The following TANC1 variants were observed in gnomAD, a reference collection of about 807,000 sequenced individuals.
The protein encoded by TANC1 is protein TANC1.
Under a neutral mutation model 149.7 loss-of-function variants are expected in TANC1, and 77 were observed. That is an observed-to-expected ratio of 0.51 (90% CI 0.43 to 0.62). The LOEUF (loss-of-function observed/expected upper bound fraction) is 0.62, where lower values mean the gene tolerates loss of function less well. TANC1 is among the 20% of genes least tolerant of loss of function. The probability of loss-of-function intolerance (pLI) is 0.00; values close to 1 mark genes in which losing one functional copy is unlikely to be tolerated. For missense variants in TANC1, 1,985 were observed against 2,321.8 expected, an observed-to-expected ratio of 0.85 and a Z score of 2.98; for synonymous variants, 854 against 925.0, an observed-to-expected ratio of 0.92 and a Z score of 1.39.
At chr2:159,121,858 C>T (rs938515204) in intron 4 of TANC1, among the ~76,000 whole-genome samples, 16 of 152,240 alleles carry the variant, frequency 1.1e-4, no homozygotes, top group African/African-American at 3.9e-4. Flanking sequence ...GTCGGAGGGT[C>T]TGCTTTACAT....
At chr2:159,098,087 A>G (rs2046318187) in intron 4 of TANC1, among the ~76,000 whole-genome samples, 1 of 152,142 alleles carries the variant, frequency 6.6e-6, no homozygotes, top group Non-Finnish European at 1.5e-5. Flanking sequence ...GATGTTAACC[A>G]GCAATTTTGT....
intron 5 of TANC1, among the ~76,000 whole-genome samples, chr2:159,142,792 G>T (rs2051520720): frequency 6.6e-6 from 1 of 151,064 alleles, no homozygotes; most frequent in Non-Finnish European, 1.5e-5. Flanking sequence ...GGCCAGGCAC[G>T]ATGGCTGACA....
intron 2 of TANC1, among the ~76,000 whole-genome samples, chr2:159,058,879 T>A (rs1422888737): frequency 6.6e-6 from 1 of 152,202 alleles, no homozygotes; most frequent in Non-Finnish European, 1.5e-5. Context: ...TGTATGAATG[T>A]ACAGAATATT....
intron 3 of TANC1, among the ~76,000 whole-genome samples, chr2:159,075,856 A>ATTTTTTTTTTTTTTTTTTTT (rs2043619698): frequency 6.6e-6 from 1 of 152,166 alleles, no homozygotes; most frequent in African/African-American, 2.4e-5. Context: ...AAGGAAATGA[A>ATTTTTTTTTTTTTTTTTTTT]CTTTTTATAA....
At chr2:159,206,565 A>G (rs1307228465) in intron 19 of TANC1, among the ~76,000 whole-genome samples, 1 of 152,238 alleles carries the variant, frequency 6.6e-6, no homozygotes, top group African/African-American at 2.4e-5. Flanking sequence ...CTTGCTGTAC[A>G]GAGTCCATTT....
rs2060367023 is a variant in TANC1 at position 159,232,457 on chromosome 2, C to T, written c.*1445C>T. On this transcript the variant is annotated 3_prime_UTR_variant, in exon 27 of 27. Transcript: ENST00000263635. ...TTGTACAAATAGGAACCTCTGATGT[C>T]ATTCTTCAACGTTTGTTCCTGTGTG... 1 of 152,554 alleles carries T rather than the reference C, an allele frequency of 6.6e-6. No homozygotes were observed. The highest frequency in any genetic ancestry group is 2.4e-5 in the African/African-American group (1 of 41,432). 9.5% of individuals were successfully genotyped at this position (152,554 alleles called of 1,614,324 possible).
chr2:159,150,414 A>G lies in TANC1; in HGVS notation c.540A>G (p.Thr180=). 1 of 1,614,104 alleles carries G rather than the reference A, an allele frequency of 6.2e-7. No homozygotes were observed. The highest frequency in any genetic ancestry group is 8.5e-7 in the Non-Finnish European group (1 of 1,180,014). ...GCATCAGTCCTTGCTCCACACTAAC[A>G]AGCAGCACCGCATCTCCTAGCACCG... The part of the protein sequence containing the change: ...SQGISPCSTL[T]SSTASPSTDS... Residue 180 remains threonine, a synonymous_variant, in exon 7 of 27, where the codon ACA becomes ACG. Transcript: ENST00000263635.
rs2059964241 is a variant in TANC1 at position 159,225,437 on chromosome 2, T to C, written c.3812-251T>C. 7.3e-6 allele frequency: 4 copies of C among 550,144 alleles called. No homozygotes were observed. The East Asian group carries it at 1.2e-4, about 17-fold the overall frequency. 34.1% of individuals were successfully genotyped at this position (550,144 alleles called of 1,614,324 possible). A position where few individuals can be genotyped will look rare whatever the true frequency, so the allele number is the denominator to read the frequency against. On this transcript the variant is annotated intron_variant, in intron 23 of 26. Transcript: ENST00000263635. ...ATCCCACCCGGAAGGGAGGAATGAG[T>C]TTTCGCTGCTCGGATGCCTTCGTTT...
intron 4 of TANC1, among the ~76,000 whole-genome samples, chr2:159,127,328 G>T (rs557091769): frequency 6.6e-6 from 1 of 152,346 alleles, no homozygotes; most frequent in South Asian, 2.1e-4. Context: ...TCGTGAGGCT[G>T]TGGAGGAACA....
intron 19 of TANC1, among the ~76,000 whole-genome samples, chr2:159,206,190 G>A (rs1372249905): frequency 6.6e-6 from 1 of 152,198 alleles, no homozygotes; most frequent in African/African-American, 2.4e-5. Context: ...GGGGTGGGGT[G>A]ACCCTGTGCC....
At chr2:159,113,355 CCT>C (rs2047944376) in intron 4 of TANC1, among the ~76,000 whole-genome samples, 1 of 152,200 alleles carries the variant, frequency 6.6e-6, no homozygotes, top group Non-Finnish European at 1.5e-5. Flanking sequence ...GACAGACAGA[CCT>C]GGGGTCAATC....
At chr2:159,134,169 A>G (rs1216056744) in intron 4 of TANC1, among the ~76,000 whole-genome samples, 3 of 152,102 alleles carry the variant, frequency 2.0e-5, no homozygotes, top group Non-Finnish European at 2.9e-5. Flanking sequence ...TCCTGCCTGC[A>G]TGTCTTCTAC....
chr2:159,221,361 A>G (rs2059697757), intron 22 of TANC1, among the ~76,000 whole-genome samples: 1 of 152,016 alleles, frequency 6.6e-6, no homozygotes, highest in African/African-American at 2.4e-5. Context: ...AGCCTGGGCA[A>G]CAGAGTGAGA....
intron 4 of TANC1, among the ~76,000 whole-genome samples, chr2:159,125,327 T>C (rs1373228334): frequency 1.2e-3 from 186 of 152,218 alleles, no homozygotes; most frequent in Non-Finnish European, 3.4e-4. Context: ...ATAGACATTA[T>C]GTCAGTGTTT....
At chr2:159,144,692 C>T (rs760366367) in intron 5 of TANC1, among the ~76,000 whole-genome samples, 9 of 152,130 alleles carry the variant, frequency 5.9e-5, no homozygotes, top group Non-Finnish European at 1.0e-4. Context: ...CCACCGCATC[C>T]GGCCAATGTT....
intron 19 of TANC1, 127 bp downstream of exon 19, chr2:159,199,180 A>G (rs2058071990): frequency 1.5e-6 from 1 of 649,708 alleles, no homozygotes; most frequent in South Asian, 2.2e-5. Context: ...AAGCATTTGA[A>G]GTTTAGAGCT....
At chr2:159,225,934 C>T (rs1158920514) in intron 24 of TANC1, 155 bp downstream of exon 24, 1 of 690,442 alleles carries the variant, frequency 1.4e-6, no homozygotes, top group African/African-American at 1.8e-5. Context: ...GTAACTCCAG[C>T]ACTTTTGGAG....
chr2:159,170,233 C>T lies in TANC1; in HGVS notation c.1070-291C>T, dbSNP rs183711402. On this transcript the variant is annotated intron_variant, in intron 9 of 26. Transcript: ENST00000263635. ...GATTTGGCCCCTCACATGGCTTTCT[C>T]TAATCCTCTGTGTGTCTGCCTTGAG... Among the ~76,000 whole-genome samples the T allele has an allele frequency of 3.3e-5, 5 of 152,332 alleles. No individual in the cohort carries two copies. The East Asian group carries it at 9.6e-4, about 29-fold the overall frequency.
chr2:159,132,040 A>G (rs755198916), intron 4 of TANC1, among the ~76,000 whole-genome samples: 5 of 152,126 alleles, frequency 3.3e-5, no homozygotes, highest in Non-Finnish European at 5.9e-5. Context: ...TCCAGATTTG[A>G]TAGTTGTATA....
Sources: gnomAD v4.1 joint callset for allele counts (sites outside exome capture counted in the v4.1 genomes callset) on GRCh38, gnomAD v4.1.1 for gene constraint, MANE v1.5 for transcripts, NCBI Gene and HGNC (gene_info 2026-07-23, HGNC 2026-07-21) for gene names.